Variants in DNM3 observed in about 807,000 individuals in gnomAD.
The protein encoded by DNM3 is dynamin 3.
In DNM3, 47 loss-of-function variants were observed where a neutral mutation model predicts 101.6. That is an observed-to-expected ratio of 0.46 (90% confidence interval 0.37 to 0.59). The LOEUF (loss-of-function observed/expected upper bound fraction) is 0.59. Among genes scored for constraint, DNM3 ranks in the 20% least tolerant of loss-of-function variants. The pLI is 0.00. For missense variants in DNM3, 849 were observed against 1,085.7 expected, an observed-to-expected ratio of 0.78 and a Z score of 3.06; for synonymous variants, 385 against 387.9, an observed-to-expected ratio of 0.99 and a Z score of 0.09.
At chr1:171,912,686 C>T (rs1039077238) in intron 1 of DNM3, among the ~76,000 whole-genome samples, 7 of 152,202 alleles carry the variant, frequency 4.6e-5, no homozygotes, top group African/African-American at 1.7e-4. Flanking sequence ...CTCAAAACCT[C>T]TAATTACATC....
intron 11 of DNM3, among the ~76,000 whole-genome samples, chr1:172,075,666 G>C (rs1294486657): frequency 1.3e-5 from 2 of 152,046 alleles, no homozygotes; most frequent in Non-Finnish European, 2.9e-5. Context: ...CTATTCCATT[G>C]GTCTGTATAT....
intron 13 of DNM3, among the ~76,000 whole-genome samples, chr1:172,112,293 A>G (rs1404908013): frequency 6.6e-6 from 1 of 152,212 alleles, no homozygotes; most frequent in Non-Finnish European, 1.5e-5. Context: ...ACTGGGGCAC[A>G]GAGAGGTTGG....
intron 14 of DNM3, among the ~76,000 whole-genome samples, chr1:172,224,034 C>T (rs1245820240): frequency 2.0e-5 from 3 of 152,164 alleles, no homozygotes; most frequent in Admixed American, 1.3e-4. Flanking sequence ...TTAATCCAAA[C>T]TTCTTAGTTT....
chr1:172,104,158 T>C (rs2054846120), intron 13 of DNM3, among the ~76,000 whole-genome samples: 1 of 152,262 alleles, frequency 6.6e-6, no homozygotes, highest in Admixed American at 6.5e-5. Flanking sequence ...GTATTAGTTT[T>C]GTTTGTATTA....
intron 14 of DNM3, among the ~76,000 whole-genome samples, chr1:172,161,000 T>C (rs1425077524): frequency 3.3e-5 from 5 of 151,868 alleles, no homozygotes. Context: ...TGACTTAAAA[T>C]CCTAAGAATT....
chr1:172,031,082 A>G (rs2048568864), intron 4 of DNM3, among the ~76,000 whole-genome samples: 1 of 152,178 alleles, frequency 6.6e-6, no homozygotes, highest in African/African-American at 2.4e-5. Flanking sequence ...AAATTATTCT[A>G]CTATAAAGAC....
At chr1:172,073,424 A>G in intron 11 of DNM3, among the ~76,000 whole-genome samples, 1 of 152,284 alleles carries the variant, frequency 6.6e-6, no homozygotes, top group East Asian at 1.9e-4. Context: ...CCTATATTTT[A>G]TAGAATACAT....
intron 15 of DNM3, among the ~76,000 whole-genome samples, chr1:172,273,411 T>C (rs2148756571): frequency 6.6e-6 from 1 of 152,232 alleles, no homozygotes; most frequent in African/African-American, 2.4e-5. Flanking sequence ...ATAAAAATTT[T>C]AAAACTACAA....
At chr1:172,122,809 G>A (rs1270730316) in intron 13 of DNM3, among the ~76,000 whole-genome samples, 1 of 152,134 alleles carries the variant, frequency 6.6e-6, no homozygotes, top group Non-Finnish European at 1.5e-5. Flanking sequence ...GGCAAACAGT[G>A]CAGAAACTCC....
chr1:172,252,331 G>T (rs2062205113), intron 14 of DNM3, among the ~76,000 whole-genome samples: 1 of 152,108 alleles, frequency 6.6e-6, no homozygotes, highest in South Asian at 2.1e-4. Context: ...GGAAAGGTGG[G>T]TGATACTCCC....
chr1:172,150,745 T>C (rs1053250890), intron 14 of DNM3, among the ~76,000 whole-genome samples: 1 of 152,196 alleles, frequency 6.6e-6, no homozygotes, highest in Non-Finnish European at 1.5e-5. Context: ...TTAACTTTTC[T>C]GACCTCTGGT....
chr1:171,936,777 G>A (rs1410953922), intron 2 of DNM3, among the ~76,000 whole-genome samples: 1 of 55,898 alleles, frequency 1.8e-5, no homozygotes, highest in African/African-American at 6.8e-5. Flanking sequence ...GGGATCCTTG[G>A]CTGGAATTGC....
chr1:171,987,756 T>C lies in DNM3; in HGVS notation c.336T>C (p.Asn112=), dbSNP rs1558379285. Reference sequence around the variant, plus strand: ...AAACAGATCGCGTGACTGGAATGAATAAAGGCATTTCCTCCATACCCATTA... The same window carrying C: ...AAACAGATCGCGTGACTGGAATGAACAAAGGCATTTCCTCCATACCCATTA... ...EAETDRVTGM[N]KGISSIPINL... is the part of the protein sequence containing the mutation. Residue 112 remains asparagine, a synonymous_variant, in exon 3 of 21, where the codon AAT becomes AAC. Transcript: ENST00000627582. 6.2e-7 allele frequency: 1 copy of C among 1,603,090 alleles called. No homozygotes were observed. The highest frequency in any genetic ancestry group is 2.2e-5 in the East Asian group (1 of 44,598).
chr1:172,378,953 A>G, intron 17 of DNM3, 65 bp from the exon 18 acceptor site: 1 of 1,522,246 alleles, frequency 6.6e-7, no homozygotes, highest in South Asian at 1.3e-5. Flanking sequence ...TCTGATAACG[A>G]CTGACATTTT....
intron 1 of DNM3, among the ~76,000 whole-genome samples, chr1:171,895,150 C>T (rs904049721): frequency 1.3e-5 from 2 of 152,168 alleles, no homozygotes; most frequent in African/African-American, 4.8e-5. Flanking sequence ...TGGGTATATA[C>T]CCAGTAATGG....
In DNM3 at chr1:172,094,590, C is replaced by T. The variant is rs966020126; in HGVS notation, c.1545+1715C>T. On this transcript the variant is annotated intron_variant, in intron 13 of 20. Transcript: ENST00000627582. Reference sequence around the variant, plus strand: ...GTGTGATGAGAGGAATAGAAAATATCTCTCAGGATGATGGTGGGATTCAGA... The same window carrying T: ...GTGTGATGAGAGGAATAGAAAATATTTCTCAGGATGATGGTGGGATTCAGA... 3.3e-5 allele frequency among the ~76,000 whole-genome samples: 5 copies of T among 152,276 alleles called. No homozygotes were observed. In the Middle Eastern group the frequency reaches 0.01, roughly 311 times the overall value.
At chr1:171,908,107 C>A (rs1558247492) in intron 1 of DNM3, among the ~76,000 whole-genome samples, 1 of 152,158 alleles carries the variant, frequency 6.6e-6, no homozygotes, top group Non-Finnish European at 1.5e-5. Context: ...GAATTCCATT[C>A]CTTTCTTTTC....
intron 1 of DNM3, among the ~76,000 whole-genome samples, chr1:171,911,686 T>C (rs779161289): frequency 1.3e-5 from 2 of 152,168 alleles, no homozygotes; most frequent in Non-Finnish European, 2.9e-5. Flanking sequence ...GCCAAGGAGC[T>C]GGTAATGTAT....
At chr1:171,899,921 C>T (rs1374099355) in intron 1 of DNM3, among the ~76,000 whole-genome samples, 1 of 152,152 alleles carries the variant, frequency 6.6e-6, no homozygotes, top group Non-Finnish European at 1.5e-5. Flanking sequence ...ACTTGAAGGA[C>T]AAATGGGCAA....
Sources: gnomAD v4.1 joint callset for allele counts (sites outside exome capture counted in the v4.1 genomes callset) on GRCh38, gnomAD v4.1.1 for gene constraint, MANE v1.5 for transcripts, NCBI Gene and HGNC (gene_info 2026-07-23, HGNC 2026-07-21) for gene names.